Variants in SPATA6 observed in about 807,000 individuals in gnomAD.
SPATA6 encodes the protein spermatogenesis associated 6.
A neutral mutation model predicts 65.3 loss-of-function variants in SPATA6; 56 were observed. The observed-to-expected ratio is 0.86, with a 90% CI of 0.69 to 1.07. The LOEUF (loss-of-function observed/expected upper bound fraction) is 1.07, where lower values mean the gene tolerates loss of function less well. SPATA6 is among the 50% of genes least tolerant of loss of function. The probability of loss-of-function intolerance (pLI) is 0.00; values close to 1 mark genes in which losing one functional copy is unlikely to be tolerated. For missense variants in SPATA6, 590 were observed against 594.8 expected, an observed-to-expected ratio of 0.99 and a Z score of 0.08; for synonymous variants, 199 against 213.2, an observed-to-expected ratio of 0.93 and a Z score of 0.58.
the SPATA6 span, among the ~76,000 whole-genome samples, chr1:48,281,658 C>T: frequency 2.6e-5 from 4 of 151,436 alleles, no homozygotes; most frequent in African/African-American, 9.7e-5. Context: ...AGGAGAACTA[C>T]AAACCACTGC....
intron 3 of SPATA6, among the ~76,000 whole-genome samples, chr1:48,444,375 A>G (rs1022472644): frequency 1.3e-5 from 2 of 151,854 alleles, no homozygotes; most frequent in Admixed American, 6.5e-5. Context: ...TAAATGCACC[A>G]ATCAGCACTC....
chr1:48,263,562 C>A, the SPATA6 span, among the ~76,000 whole-genome samples: 2 of 152,172 alleles, frequency 1.3e-5, no homozygotes, highest in Admixed American at 1.3e-4. Flanking sequence ...TTAATTTTTC[C>A]CAGTTAACAG....
chr1:48,328,771 G>C (rs114574492), intron 11 of SPATA6, among the ~76,000 whole-genome samples: 7,775 of 152,070 alleles, frequency 0.051, 264 homozygotes, highest in African/African-American at 0.089. Flanking sequence ...TCTTAACAAA[G>C]CTTTTTTAAA....
chr1:48,356,012 T>C (rs1646649864), intron 10 of SPATA6, among the ~76,000 whole-genome samples: 1 of 152,158 alleles, frequency 6.6e-6, no homozygotes, highest in Admixed American at 6.6e-5. Context: ...TTACATATAG[T>C]TCCTATTCTT....
chr1:48,331,661 G>A (rs909553710), intron 11 of SPATA6, among the ~76,000 whole-genome samples: 1 of 152,136 alleles, frequency 6.6e-6, no homozygotes, highest in African/African-American at 2.4e-5. Flanking sequence ...TCACAGTATC[G>A]TCCATGAGAA....
chr1:48,438,399 A>G (rs945425521), intron 3 of SPATA6, among the ~76,000 whole-genome samples: 1 of 152,198 alleles, frequency 6.6e-6, no homozygotes, highest in Non-Finnish European at 1.5e-5. Context: ...CGACTAGCGC[A>G]GCCGCCGGAC....
At chr1:48,280,017 G>C in the SPATA6 span, among the ~76,000 whole-genome samples, 27 of 152,296 alleles carry the variant, frequency 1.8e-4, no homozygotes, top group Non-Finnish European at 8.8e-5. Context: ...TAGAACTCAG[G>C]ATTAAGAAAC....
At chr1:48,313,143 T>C (rs1418613715) in intron 11 of SPATA6, among the ~76,000 whole-genome samples, 1 of 152,034 alleles carries the variant, frequency 6.6e-6, no homozygotes, top group Non-Finnish European at 1.5e-5. Context: ...CAGGAGAACT[T>C]CCCCAGTCTA....
At chr1:48,425,853 T>A (rs996892509) in intron 3 of SPATA6, among the ~76,000 whole-genome samples, 1 of 151,744 alleles carries the variant, frequency 6.6e-6, no homozygotes, top group Non-Finnish European at 1.5e-5. Flanking sequence ...GTAAAAAAAA[T>A]GCTTCTTGAA....
chr1:48,263,461 CT>C, the SPATA6 span, among the ~76,000 whole-genome samples: 1,480 of 152,234 alleles, frequency 9.7e-3, 24 homozygotes, highest in South Asian at 0.05. Context: ...ATGTGCGCCC[CT>C]ACATGACACT....
chr1:48,280,223 C>G, the SPATA6 span, among the ~76,000 whole-genome samples: 35 of 151,988 alleles, frequency 2.3e-4, no homozygotes, highest in East Asian at 1.4e-3. Context: ...GCCCACAAGA[C>G]AAAGCAGGAA....
At chr1:48,294,283 G>A (rs1644786740), downstream of SPATA6, among the ~76,000 whole-genome samples, 1 of 152,062 alleles carries the variant, frequency 6.6e-6, no homozygotes, top group African/African-American at 2.4e-5. Context: ...CACCATGTTG[G>A]CCAGGCTGGT....
intron 3 of SPATA6, among the ~76,000 whole-genome samples, chr1:48,427,006 C>T (rs746777059): frequency 4.0e-5 from 6 of 151,596 alleles, no homozygotes; most frequent in Non-Finnish European, 8.8e-5. Context: ...GCTCACTGTA[C>T]CCTCAAACTC....
chr1:48,465,278 C>G (rs1225255486), intron 1 of SPATA6, among the ~76,000 whole-genome samples: 3 of 152,154 alleles, frequency 2.0e-5, no homozygotes, highest in Non-Finnish European at 4.4e-5. Context: ...AGGAAAGATT[C>G]TCCCCTAAAG....
chr1:48,435,882 C>A, intron 3 of SPATA6: 3 of 1,364,294 alleles, frequency 2.2e-6, no homozygotes, highest in South Asian at 1.2e-5. Context: ...TAGGATATAT[C>A]TGCATCTTGA....
chr1:48,384,169 AC>A (rs1649148013), intron 9 of SPATA6, among the ~76,000 whole-genome samples: 1 of 149,120 alleles, frequency 6.7e-6, no homozygotes, highest in Admixed American at 6.6e-5. Context: ...CCCCGTCTCC[AC>A]CAAAAAAAAA....
intron 1 of SPATA6, among the ~76,000 whole-genome samples, chr1:48,463,049 A>G (rs978078468): frequency 6.6e-6 from 1 of 152,046 alleles, no homozygotes; most frequent in African/African-American, 2.4e-5. Flanking sequence ...CAGGTTCTCA[A>G]CCCCTCAGAC....
At chr1:48,433,399 G>T (rs140707693) in intron 3 of SPATA6, among the ~76,000 whole-genome samples, 2 of 152,102 alleles carry the variant, frequency 1.3e-5, no homozygotes, top group Admixed American at 1.3e-4. Context: ...TTAAGTTAAT[G>T]TAAACTACAT....
chr1:48,433,842 CAA>C (rs1305666417), intron 3 of SPATA6, among the ~76,000 whole-genome samples: 1 of 151,984 alleles, frequency 6.6e-6, no homozygotes, highest in Admixed American at 6.5e-5. Context: ...AAAGGGGCTT[CAA>C]AAAAGACTTT....
Sources: gnomAD v4.1 joint callset for allele counts (sites outside exome capture counted in the v4.1 genomes callset) on GRCh38, gnomAD v4.1.1 for gene constraint, MANE v1.5 for transcripts, NCBI Gene and HGNC (gene_info 2026-07-23, HGNC 2026-07-21) for gene names.